Variants in EMC2 observed in about 807,000 individuals in gnomAD.
EMC2 encodes the protein ER membrane protein complex subunit 2, also known as TPR repeat protein 35.
Under a neutral mutation model 51.6 loss-of-function variants are expected in EMC2, and 37 were observed. That is an observed-to-expected ratio of 0.72 (90% CI 0.55 to 0.94). EMC2 has a LOEUF of 0.94. EMC2 is among the 40% of genes least tolerant of loss of function. The probability of loss-of-function intolerance (pLI) is 0.00; values close to 1 mark genes in which losing one functional copy is unlikely to be tolerated. For missense variants in EMC2, 359 were observed against 350.9 expected (o/e 1.02, Z -0.18); for synonymous variants, 131 against 112.4 (o/e 1.17, Z -1.04).
At chr8:108,445,383 A>G (rs1039827957) in intron 1 of EMC2, among the ~76,000 whole-genome samples, 3 of 152,154 alleles carry the variant, frequency 2.0e-5, no homozygotes, top group Non-Finnish European at 4.4e-5. Context: ...TGAGCTGCCT[A>G]TGCTGGCCTT....
chr8:108,472,650 A>G (rs1810877453), intron 7 of EMC2, among the ~76,000 whole-genome samples: 1 of 151,822 alleles, frequency 6.6e-6, no homozygotes. Context: ...CACTTGATTC[A>G]TTTGACATGT....
chr8:108,476,737 A>T, intron 8 of EMC2, 45 bp from the exon 9 acceptor site: 1 of 831,908 alleles, frequency 1.2e-6, no homozygotes, highest in Non-Finnish European at 2.1e-6. Context: ...CTATATTTCA[A>T]AGTAGTAAAA....
chr8:108,455,951 G>T, intron 5 of EMC2, 21 bp downstream of exon 5: 3 of 1,209,314 alleles, frequency 2.5e-6, no homozygotes, highest in South Asian at 1.7e-5. Context: ...AGATTGTCTT[G>T]AAAAAAATCT....
At chr8:108,485,489 A>C (rs10093112) in intron 10 of EMC2, among the ~76,000 whole-genome samples, 2,301 of 133,606 alleles carry the variant, frequency 0.017, 28 homozygotes, top group Admixed American at 0.027. Context: ...ATATATATAT[A>C]AAATATATAC....
intron 10 of EMC2, among the ~76,000 whole-genome samples, chr8:108,481,494 A>G (rs1348725116): frequency 6.6e-6 from 1 of 152,110 alleles, no homozygotes; most frequent in South Asian, 2.1e-4. Flanking sequence ...GTAATATAAA[A>G]GTAACGTTAT....
intron 5 of EMC2, among the ~76,000 whole-genome samples, chr8:108,456,415 G>C (rs897154344): frequency 1.3e-5 from 2 of 149,832 alleles, no homozygotes; most frequent in Non-Finnish European, 3.0e-5. Flanking sequence ...TTTGGAAAGA[G>C]TAGACTATGT....
chr8:108,473,208 C>A (rs1810887507), intron 7 of EMC2, among the ~76,000 whole-genome samples: 1 of 151,714 alleles, frequency 6.6e-6, no homozygotes, highest in Non-Finnish European at 1.5e-5. Context: ...ATCCATTGAC[C>A]ATATTGAGAC....
intron 8 of EMC2, among the ~76,000 whole-genome samples, 166 bp downstream of exon 8, chr8:108,476,129 TG>T (rs1563701193): frequency 1.3e-5 from 2 of 151,890 alleles, no homozygotes; most frequent in African/African-American, 4.8e-5. Flanking sequence ...AACATTGCAG[TG>T]GTAATACTGA....
chr8:108,463,704 G>A (rs1229070910), intron 5 of EMC2, among the ~76,000 whole-genome samples: 1 of 151,838 alleles, frequency 6.6e-6, no homozygotes, highest in African/African-American at 2.4e-5. Context: ...TTTCGGTGAG[G>A]GGAGGGTGGG....
At chr8:108,462,953 G>A (rs995560607) in intron 5 of EMC2, among the ~76,000 whole-genome samples, 7 of 151,966 alleles carry the variant, frequency 4.6e-5, no homozygotes, top group Non-Finnish European at 7.4e-5. Context: ...CTCCTTTTAC[G>A]CTTTTTTCAA....
rs940834800 is a variant in EMC2, at chr8:108,488,935, T to C, written c.*2337T>C. ...AGGGCTTTCCTTTCAAATTAAAAAA[T>C]CAGAGCTTTGTGTGGTAACAGTCAT... is the stretch of plus-strand genomic sequence containing the variant. On this transcript the variant is annotated 3_prime_UTR_variant, in exon 11 of 11. Coordinates refer to ENST00000220853, the MANE Select transcript of EMC2 (RefSeq NM_014673.5). Among the ~76,000 whole-genome samples the C allele has an allele frequency of 3.6e-4, 55 of 152,182 alleles. No individual in the cohort carries two copies. The highest frequency in any genetic ancestry group is 7.4e-5 in the Non-Finnish European group (5 of 68,022).
intron 5 of EMC2, among the ~76,000 whole-genome samples, chr8:108,461,455 C>T (rs1168010460): frequency 6.6e-6 from 1 of 152,190 alleles, no homozygotes; most frequent in Non-Finnish European, 1.5e-5. Flanking sequence ...ATTAAATTCT[C>T]TTTCTTTGAT....
chr8:108,444,616 G>A (rs1818833989), intron 1 of EMC2, among the ~76,000 whole-genome samples: 1 of 152,084 alleles, frequency 6.6e-6, no homozygotes, highest in Middle Eastern at 3.2e-3. Context: ...ACCGAAAGTT[G>A]TATTTTCTGT....
At chr8:108,471,743 A>T (rs958643772) in intron 7 of EMC2, among the ~76,000 whole-genome samples, 1 of 151,904 alleles carries the variant, frequency 6.6e-6, no homozygotes, top group Non-Finnish European at 1.5e-5. Context: ...TTATATTTTT[A>T]TATATAATGC....
At chr8:108,450,623 A>G (rs1818993594) in intron 3 of EMC2, 131 bp downstream of exon 3, 1 of 665,666 alleles carries the variant, frequency 1.5e-6, no homozygotes, top group Non-Finnish European at 2.7e-6. Context: ...AGTAAGTGGA[A>G]CTAACTAGAT....
At chr8:108,475,846 T>C (rs1810936947) in intron 7 of EMC2, 36 bp from the exon 8 acceptor site, 1 of 1,301,842 alleles carries the variant, frequency 7.7e-7, no homozygotes, top group Non-Finnish European at 1.1e-6. Flanking sequence ...AATTTGTGAC[T>C]TTAAAAATTA....
At position 108,476,822 on chromosome 8, in the gene EMC2, C is replaced by T; in HGVS notation, c.632C>T (p.Ser211Leu). The change falls in exon 9 of 11, where the codon TCA (serine) becomes TTA (leucine). Residue 211 changes from serine to leucine, a missense_variant. Transcript: ENST00000220853. ...GGTGGACTTGAAAACCTCGAACTTT[C>T]AAGAAAGTATTTTGCACAGGCATTG... Reference protein sequence around the residue: ...TQGGLENLELSRKYFAQALKL... With the variant: ...TQGGLENLELLRKYFAQALKL... The T allele has an allele frequency of 6.2e-7, 1 of 1,607,582 alleles. No individual in the cohort carries two copies. The highest frequency in any genetic ancestry group is 8.5e-7 in the Non-Finnish European group (1 of 1,174,870).
At chr8:108,459,721 A>AGAGAGAGAGAGAGAGAGTGTGT (rs763020311) in intron 5 of EMC2, among the ~76,000 whole-genome samples, 1 of 136,878 alleles carries the variant, frequency 7.3e-6, no homozygotes, top group African/African-American at 3.0e-5. Flanking sequence ...AGAGAGAGAG[A>AGAGAGAGAGAGAGAGAGTGTGT]GTGTGTGTGT....
rs772842235 is a variant in EMC2 at position 108,486,635 on chromosome 8, G to T, written c.*37G>T. 7 of 1,558,442 alleles carry T rather than the reference G, an allele frequency of 4.5e-6. No homozygotes were observed. ...CTCTTTGACATTAGATTTCACAACT[G>T]CACAATTGAACTTATTGGCCTGTAA... On this transcript the variant is annotated 3_prime_UTR_variant, in exon 11 of 11. Coordinates refer to ENST00000220853, the MANE Select transcript of EMC2 (RefSeq NM_014673.5).
Sources: allele counts gnomAD v4.1 joint callset (sites outside exome capture counted in the v4.1 genomes callset), GRCh38; gene constraint gnomAD v4.1.1; transcripts MANE v1.5; gene names NCBI Gene and HGNC (gene_info 2026-07-23, HGNC 2026-07-21).